NIN: variants seen among roughly 807,000 people sequenced by gnomAD.
NIN encodes the protein ninein, also known as glycogen synthase kinase 3 beta-interacting protein.
A neutral mutation model predicts 257.6 loss-of-function variants in NIN; 137 were observed. The observed-to-expected ratio is 0.53, with a 90% confidence interval of 0.46 to 0.61. NIN has a LOEUF of 0.61. NIN is among the 20% of genes least tolerant of loss of function. NIN has a pLI of 0.00. For missense variants in NIN, 2,439 were observed against 2,501.2 expected (o/e 0.98, Z 0.53); for synonymous variants, 918 against 919.8 (o/e 1.00, Z 0.04).
At position 50,757,038 on chromosome 14, in the gene NIN, T is replaced by G; in HGVS notation, c.3992A>C (p.Lys1331Thr). The part of the protein sequence containing the change: ...LNVLVLRLQG[K>T]IEKLQESVVQ... ...CACGCTTTCCTGAAGCTTCTCAATCTTGCCTTGAAGTCTCAAAACCAGAAC... is the reference window on the plus strand; with the variant it reads ...CACGCTTTCCTGAAGCTTCTCAATCGTGCCTTGAAGTCTCAAAACCAGAAC... Residue 1331 changes from lysine (K) to threonine (T), a missense_variant, in exon 18 of 31, where the codon AAG (lysine) becomes ACG (threonine). By Grantham distance (78) the Lys-to-Thr change is moderately conservative. Around this residue, in one of 3 missense-constraint regions of NIN, gnomAD observed 2,043 missense variants for 2,050.2 expected, o/e 1.00. Transcript: ENST00000530997. 1 of 1,613,586 alleles carries G rather than the reference T, an allele frequency of 6.2e-7. No homozygotes were observed. The highest frequency in any genetic ancestry group is 8.5e-7 in the Non-Finnish European group (1 of 1,179,846).
chr14:50,748,213 G>C (rs145712102), intron 21 of NIN, 108 bp from the exon 22 acceptor site: 1 of 642,762 alleles, frequency 1.6e-6, no homozygotes, highest in East Asian at 2.7e-5. Context: ...TGAACTCAAT[G>C]ACACTGTTTT....
At chr14:50,826,006 G>C (rs2045440711) in intron 2 of NIN, among the ~76,000 whole-genome samples, 1 of 152,182 alleles carries the variant, frequency 6.6e-6, no homozygotes, top group Non-Finnish European at 1.5e-5. Context: ...AAATGATCAT[G>C]AAGTGTCCCA....
At chr14:50,761,097 A>G (rs1236192252) in intron 16 of NIN, among the ~76,000 whole-genome samples, 1 of 152,192 alleles carries the variant, frequency 6.6e-6, no homozygotes, top group East Asian at 1.9e-4. Flanking sequence ...AGACATGGAT[A>G]TGACAACTAT....
At chr14:50,804,343 A>G (rs2044228460) in intron 4 of NIN, among the ~76,000 whole-genome samples, 1 of 152,218 alleles carries the variant, frequency 6.6e-6, no homozygotes, top group Non-Finnish European at 1.5e-5. Flanking sequence ...TGTGGGAGGA[A>G]AGGCTGACTC....
At chr14:50,803,111 T>G (rs952243022) in intron 4 of NIN, among the ~76,000 whole-genome samples, 2 of 152,104 alleles carry the variant, frequency 1.3e-5, no homozygotes, top group Non-Finnish European at 2.9e-5. Context: ...CCCAGCACTT[T>G]GGGAGGCCGA....
At chr14:50,730,490 A>G (rs2040637965) in intron 28 of NIN, among the ~76,000 whole-genome samples, 1 of 152,132 alleles carries the variant, frequency 6.6e-6, no homozygotes, top group South Asian at 2.1e-4. Context: ...ACTAAACTCA[A>G]GAAGCGGCAC....
chr14:50,723,742 G>C, intron 30 of NIN, 70 bp from the exon 31 acceptor site: 2 of 1,290,606 alleles, frequency 1.5e-6, no homozygotes, highest in Non-Finnish European at 2.2e-6. Context: ...TTTAAGGTCT[G>C]ACATAAGGAC....
intron 2 of NIN, among the ~76,000 whole-genome samples, chr14:50,827,186 A>C (rs1489887721): frequency 6.6e-6 from 1 of 152,254 alleles, no homozygotes; most frequent in Non-Finnish European, 1.5e-5. Context: ...GTATAAAAGG[A>C]AAGAGTGACA....
At chr14:50,814,233 T>C (rs2044772800) in intron 3 of NIN, among the ~76,000 whole-genome samples, 2 of 152,158 alleles carry the variant, frequency 1.3e-5, no homozygotes. Flanking sequence ...AGGAATCCTG[T>C]TTACAGATGG....
chr14:50,763,040 A>C (rs989639447), intron 15 of NIN, among the ~76,000 whole-genome samples: 43 of 152,092 alleles, frequency 2.8e-4, no homozygotes, highest in Non-Finnish European at 5.6e-4. Flanking sequence ...ATCAGAGGGG[A>C]GGTCTTAAGG....
intron 12 of NIN, 139 bp downstream of exon 12, chr14:50,770,249 T>C: frequency 2.6e-6 from 2 of 783,074 alleles, no homozygotes; most frequent in South Asian, 1.9e-5. Flanking sequence ...CCCTGCCAAG[T>C]CTGGGTGAAG....
chr14:50,737,646 G>GTTT (rs35662853), intron 27 of NIN, among the ~76,000 whole-genome samples: 2 of 137,036 alleles, frequency 1.5e-5, no homozygotes, highest in Admixed American at 7.3e-5. Flanking sequence ...TTTTGTTGTT[G>GTTT]TTTTTTTTTT....
At position 50,757,789 on chromosome 14, in the gene NIN, T is replaced by C. The variant is rs1279546152; in HGVS notation, c.3241A>G (p.Asn1081Asp). 6 of 1,614,192 alleles carry C rather than the reference T, an allele frequency of 3.7e-6. No homozygotes were observed. Among genetic ancestry groups the C allele is most frequent in the Non-Finnish European group, 5.1e-6 (6 of 1,180,036 alleles). The change falls in exon 18 of 31, where the codon AAT (asparagine) becomes GAT (aspartate). Residue 1081 changes from asparagine (N) to aspartate (D), a missense_variant. Around this residue, in one of 3 missense-constraint regions of NIN, gnomAD observed 2,043 missense variants for 2,050.2 expected, o/e 1.00. Coordinates refer to ENST00000530997, the MANE Select transcript of NIN (RefSeq NM_020921.4). ...GAAATTTCAGTAGCCATTTTCACAT[T>C]TTCCTTCACTGCCTGTTCATGAGCT... ...QRAHEQAVKE[N>D]VKMATEISRL...
rs1260949425 is a variant in NIN at position 50,743,320 on chromosome 14, G to A, written c.5301+96C>T. Reference sequence around the variant, plus strand: ...ATTGAATCATTTGGAACCCTCTTACGCTACTTCTACCTGGAACACTCTTTT... The same window carrying A: ...ATTGAATCATTTGGAACCCTCTTACACTACTTCTACCTGGAACACTCTTTT... On this transcript the variant is annotated intron_variant, in intron 24 of 30. Coordinates refer to ENST00000530997, the MANE Select transcript of NIN (RefSeq NM_020921.4). 47 of 795,310 alleles carry A rather than the reference G, an allele frequency of 5.9e-5. No homozygotes were observed. The East Asian group carries it at 1.1e-3, about 19-fold the overall frequency. 49.3% of individuals were successfully genotyped at this position (795,310 alleles called of 1,614,324 possible).
At chr14:50,747,738 T>TAAAA (rs112215274) in intron 22 of NIN, among the ~76,000 whole-genome samples, 1 of 114,180 alleles carries the variant, frequency 8.8e-6, no homozygotes, top group African/African-American at 3.2e-5. Flanking sequence ...GAAACTGTCT[T>TAAAA]AAAAAAAAAA....
chr14:50,727,720 G>C (rs1417504889), intron 29 of NIN: 2 of 1,434,218 alleles, frequency 1.4e-6, no homozygotes, highest in African/African-American at 2.8e-5. Flanking sequence ...GTAGGAATCT[G>C]CGTGCACTGC....
At chr14:50,741,373 G>A (rs2041272232) in intron 25 of NIN, among the ~76,000 whole-genome samples, 1 of 152,116 alleles carries the variant, frequency 6.6e-6, no homozygotes. Context: ...GTTCCCTTGG[G>A]GTTACCAACT....
chr14:50,827,111 T>C (rs2045490862), intron 2 of NIN, among the ~76,000 whole-genome samples: 1 of 152,236 alleles, frequency 6.6e-6, no homozygotes, highest in Non-Finnish European at 1.5e-5. Context: ...TTTTCTTCTT[T>C]CTTTTCTGCA....
chr14:50,808,165 G>A (rs1448283054), intron 3 of NIN, among the ~76,000 whole-genome samples: 1 of 152,134 alleles, frequency 6.6e-6, no homozygotes, highest in Admixed American at 6.5e-5. Flanking sequence ...GATCCAGGGA[G>A]GCACAATCTT....
Sources: allele counts gnomAD v4.1 joint callset (sites outside exome capture counted in the v4.1 genomes callset), GRCh38; gene constraint gnomAD v4.1.1; regional missense constraint gnomAD v4.1.1; transcripts MANE v1.5; gene names NCBI Gene and HGNC (gene_info 2026-07-23, HGNC 2026-07-21).